The following SERPIND1 variants were observed in gnomAD, a reference collection of about 807,000 sequenced individuals.
SERPIND1 encodes the protein serpin family D member 1, also known as heparin cofactor 2.
Under a neutral mutation model 35.0 loss-of-function variants are expected in SERPIND1, and 34 were observed. The observed-to-expected ratio is 0.97, with a 90% CI of 0.74 to 1.29. SERPIND1 has a LOEUF of 1.29. SERPIND1 is among the 50% of genes most tolerant of loss of function. The pLI is 0.00. For missense variants in SERPIND1, 633 were observed against 637.7 expected, an observed-to-expected ratio of 0.99 and a Z score of 0.08; for synonymous variants, 236 against 241.1, an observed-to-expected ratio of 0.98 and a Z score of 0.19.
At chr22:20,782,562 G>A (rs968789065) in intron 2 of SERPIND1, among the ~76,000 whole-genome samples, 1 of 152,120 alleles carries the variant, frequency 6.6e-6, no homozygotes, top group Non-Finnish European at 1.5e-5. Context: ...ATAAACAGAG[G>A]CAGGCTCTCA....
At chr22:20,774,563 C>A (rs1441585653) in intron 1 of SERPIND1, among the ~76,000 whole-genome samples, 1 of 152,068 alleles carries the variant, frequency 6.6e-6, no homozygotes, top group Non-Finnish European at 1.5e-5. Context: ...GAGTTCAAGA[C>A]CAGCCTGACC....
chr22:20,778,743 G>A (rs897665829), intron 1 of SERPIND1, among the ~76,000 whole-genome samples: 2 of 152,178 alleles, frequency 1.3e-5, no homozygotes, highest in African/African-American at 2.4e-5. Context: ...CCAGCCCCAG[G>A]TGCCCACTCA....
intron 1 of SERPIND1, among the ~76,000 whole-genome samples, chr22:20,777,456 G>T (rs189125918): frequency 6.6e-6 from 1 of 152,082 alleles, no homozygotes; most frequent in Non-Finnish European, 1.5e-5. Context: ...GACCTCAGAT[G>T]ATCCGCCCAC....
At position 20,784,130 on chromosome 22, in the gene SERPIND1, G is replaced by A. The variant is rs141555645; in HGVS notation, c.1048G>A (p.Val350Met). ...CTGCGACATCCTCCAGCTGGAATAC[G>A]TGGGGGGCATCAGCATGCTAATTGT... is the stretch of plus-strand genomic sequence containing the variant. ...LDCDILQLEY[V>M]GGISMLIVVP... The change falls in exon 3 of 5, where the codon GTG (valine) becomes ATG (methionine). Residue 350 changes from valine to methionine, a missense_variant. By Grantham distance (21) the Val-to-Met change is conservative. Transcript: ENST00000215727. 51 of 1,614,188 alleles carry A rather than the reference G, an allele frequency of 3.2e-5. 1 individual carries two copies. The highest frequency in any genetic ancestry group is 2.0e-4 in the African/African-American group (15 of 75,020).
At chr22:20,784,368 A>G in intron 3 of SERPIND1, 123 bp downstream of exon 3, 1 of 1,302,268 alleles carries the variant, frequency 7.7e-7, no homozygotes, top group South Asian at 1.3e-5. Flanking sequence ...GAACTTCCAT[A>G]CAGGGCCACT....
Position 20,784,253 on chromosome 22 carries a change from A to T in SERPIND1, c.1163+8A>T, listed in dbSNP as rs1934029701. On this transcript the variant is annotated splice_region_variant and intron_variant, in intron 3 of 4. Coordinates refer to ENST00000215727, the MANE Select transcript of SERPIND1 (RefSeq NM_000185.4). ...AAAAAGCATGACAAACAGGTATTTC[A>T]CACTGTGTGTTTGTTCTTTTGAGCT... is the stretch of plus-strand genomic sequence containing the variant. 1.9e-6 allele frequency: 3 copies of T among 1,614,042 alleles called. No individual in the cohort carries two copies. Among genetic ancestry groups the T allele is most frequent in the Non-Finnish European group, 2.5e-6 (3 of 1,179,926 alleles).
intron 1 of SERPIND1, among the ~76,000 whole-genome samples, chr22:20,774,443 G>A (rs2147450588): frequency 6.6e-6 from 1 of 152,238 alleles, no homozygotes; most frequent in African/African-American, 2.4e-5. Flanking sequence ...CTTGCTCTTG[G>A]GTATTTTCCC....
chr22:20,779,186 C>T (rs1933542108), intron 1 of SERPIND1, 111 bp from the exon 2 acceptor site: 8 of 1,580,292 alleles, frequency 5.1e-6, no homozygotes, highest in Non-Finnish European at 6.8e-6. Context: ...AGAACTAATG[C>T]TGTGAGGGCC....
intron 1 of SERPIND1, 51 bp from the exon 2 acceptor site, chr22:20,779,246 G>T: frequency 6.2e-7 from 1 of 1,609,938 alleles, no homozygotes. Context: ...TGCTGCAGCG[G>T]GGTGTGGATC....
intron 1 of SERPIND1, among the ~76,000 whole-genome samples, chr22:20,777,589 A>C (rs572160543): frequency 1.3e-5 from 2 of 152,318 alleles, no homozygotes; most frequent in East Asian, 3.9e-4. Context: ...CCTGGGCTCA[A>C]GTGATCTTCC....
chr22:20,784,516 G>A (rs1319447797), intron 3 of SERPIND1, among the ~76,000 whole-genome samples: 1 of 152,096 alleles, frequency 6.6e-6, no homozygotes, highest in Non-Finnish European at 1.5e-5. Flanking sequence ...CTTGCTTTGT[G>A]GCTTCGAGTC....
chr22:20,783,936 C>G, intron 2 of SERPIND1, 36 bp from the exon 3 acceptor site: 1 of 1,613,960 alleles, frequency 6.2e-7, no homozygotes, highest in Non-Finnish European at 8.5e-7. Context: ...CCTAAAGGAA[C>G]CTTCTCATAA....
chr22:20,778,225 G>T (rs1456662963), intron 1 of SERPIND1, among the ~76,000 whole-genome samples: 2 of 152,146 alleles, frequency 1.3e-5, no homozygotes, highest in Admixed American at 6.5e-5. Flanking sequence ...CCCAGGTCAG[G>T]CGTGGTGGCT....
At chr22:20,777,326 C>G (rs560150868) in intron 1 of SERPIND1, among the ~76,000 whole-genome samples, 1 of 151,982 alleles carries the variant, frequency 6.6e-6, no homozygotes, top group Admixed American at 6.6e-5. Context: ...AAACGAATCT[C>G]CTGCCTCAGC....
At position 20,784,367 on chromosome 22, in the gene SERPIND1, T is replaced by C; in HGVS notation, c.1163+122T>C. The C allele has an allele frequency of 3.0e-6, 4 of 1,314,026 alleles. No individual in the cohort carries two copies. The South Asian group carries it at 3.8e-5, about 12-fold the overall frequency. The allele number at this position is 1,314,026 out of a possible 1,614,324, so 81.4% of individuals were successfully genotyped here. ...ATGTACAAGTACCCAAGAACTTCCA[T>C]ACAGGGCCACTCTGTTAATTCAGCC... On this transcript the variant is annotated intron_variant, in intron 3 of 4. Transcript: ENST00000215727.
intron 1 of SERPIND1, among the ~76,000 whole-genome samples, chr22:20,777,220 T>A (rs1440207649): frequency 7.5e-6 from 1 of 133,864 alleles, no homozygotes; most frequent in Non-Finnish European, 1.7e-5. Context: ...TTTTCTTTTC[T>A]TTTTTTTTTT....
intron 3 of SERPIND1, among the ~76,000 whole-genome samples, chr22:20,785,453 T>C (rs1240845905): frequency 6.6e-6 from 1 of 152,188 alleles, no homozygotes. Flanking sequence ...TTCCTGCCCA[T>C]CCAGCTGGGA....
Position 20,786,912 on chromosome 22 carries a change from G to A in SERPIND1, c.1346G>A (p.Gly449Asp), listed in dbSNP as rs755840875. 3 of 1,614,114 alleles carry A rather than the reference G, an allele frequency of 1.9e-6. No homozygotes were observed. The highest frequency in any genetic ancestry group is 2.5e-6 in the Non-Finnish European group (3 of 1,180,022). ...GGCACGATCACAGTGAACGAGGAAG[G>A]CACCCAAGCCACCACTGTGACCACG... is the stretch of plus-strand genomic sequence containing the variant. ...HQGTITVNEEGTQATTVTTVG... is the reference protein window; with the variant it reads ...HQGTITVNEEDTQATTVTTVG... Residue 449 changes from glycine (G) to aspartate (D), a missense_variant, in exon 5 of 5, where the codon GGC becomes GAC. Coordinates refer to ENST00000215727, the MANE Select transcript of SERPIND1 (RefSeq NM_000185.4).
At chr22:20,785,648 A>C (rs1194002390) in intron 3 of SERPIND1, among the ~76,000 whole-genome samples, 2 of 152,158 alleles carry the variant, frequency 1.3e-5, no homozygotes, top group Non-Finnish European at 2.9e-5. Flanking sequence ...CTCCTTAATT[A>C]CAAAAAAAAA....
Sources: gnomAD v4.1 joint callset for allele counts (sites outside exome capture counted in the v4.1 genomes callset) on GRCh38, gnomAD v4.1.1 for gene constraint, MANE v1.5 for transcripts, NCBI Gene and HGNC (gene_info 2026-07-23, HGNC 2026-07-21) for gene names.